Variants in CATSPERE observed in about 807,000 individuals in gnomAD.
CATSPERE encodes the protein catsper channel auxiliary subunit epsilon.
In CATSPERE, 93 loss-of-function variants were observed where a neutral mutation model predicts 114.1. The ratio of observed to expected loss-of-function variants is 0.81; its 90% CI spans 0.69 to 0.97. The LOEUF is 0.97. CATSPERE is among the 50% of genes least tolerant of loss of function. The pLI is 0.00. For missense variants in CATSPERE, 1,058 were observed against 1,131.6 expected (o/e 0.93, Z 0.93); for synonymous variants, 341 against 384.1 (o/e 0.89, Z 1.31).
At position 244,503,891 on chromosome 1, in the gene CATSPERE, T is replaced by TA. The variant is rs572166459; in HGVS notation, c.429+4815dup. ...TAGAAAATTATTTCTAATATGCTATTAAACCCACTCACTGAGTTACTCATA... is the reference window on the plus strand; with the variant it reads ...TAGAAAATTATTTCTAATATGCTATTAAAACCCACTCACTGAGTTACTCATA... On this transcript the variant is annotated intron_variant, in intron 7 of 21. Transcript: ENST00000366534. 4.6e-5 allele frequency among the ~76,000 whole-genome samples: 7 copies of TA among 152,362 alleles called. No homozygotes were observed. In the South Asian group the frequency reaches 1.4e-3, roughly 32 times the overall value.
At chr1:244,577,294 T>C (rs930112676) in intron 11 of CATSPERE, among the ~76,000 whole-genome samples, 3 of 151,424 alleles carry the variant, frequency 2.0e-5, no homozygotes, top group Non-Finnish European at 4.4e-5. Flanking sequence ...TTATATATAA[T>C]TACTTATTTT....
upstream of CATSPERE, among the ~76,000 whole-genome samples, chr1:244,453,411 A>C (rs374063003): frequency 2.6e-5 from 4 of 152,216 alleles, no homozygotes; most frequent in East Asian, 1.9e-4. Flanking sequence ...CCAGCTCTAC[A>C]TGAATTACTC....
In CATSPERE at chr1:244,518,673, T is replaced by A; in HGVS notation, c.511T>A (p.Ser171Thr). 1 of 1,561,024 alleles carries A rather than the reference T, an allele frequency of 6.4e-7. No homozygotes were observed. The highest frequency in any genetic ancestry group is 8.7e-7 in the Non-Finnish European group (1 of 1,150,922). Residue 171 changes from serine (S) to threonine (T), a missense_variant, in exon 8 of 22, where the codon TCT (serine) becomes ACT (threonine). Coordinates refer to ENST00000366534, the MANE Select transcript of CATSPERE (RefSeq NM_001130957.2). Reference protein sequence around the residue: ...IHTVLKRKVYSSNEKMRRGTW... With the variant: ...IHTVLKRKVYTSNEKMRRGTW... ...TACAGTTCTGAAGAGAAAAGTTTAT[T>A]CTTCAAATGAGAAAATGAGAAGGGG...
intron 10 of CATSPERE, among the ~76,000 whole-genome samples, chr1:244,571,784 G>A (rs192679534): frequency 2.7e-4 from 41 of 152,180 alleles, no homozygotes; most frequent in Middle Eastern, 3.4e-3. Context: ...GTAGACAGTC[G>A]CCGTCTTGCT....
rs1245222101 is a variant in CATSPERE at position 244,553,302 on chromosome 1, C to G, written c.1029+488C>G. Among the ~76,000 whole-genome samples, 3 of 151,998 alleles carry G rather than the reference C, an allele frequency of 2.0e-5. No individual in the cohort carries two copies. In the South Asian group the frequency reaches 6.2e-4, roughly 31 times the overall value. ...GCTGGCCGGGCGCGGTGGCTCACAC[C>G]TGTAATCACAGCACTTTGGGAGGCC... On this transcript the variant is annotated intron_variant, in intron 9 of 21. Coordinates refer to ENST00000366534, the MANE Select transcript of CATSPERE (RefSeq NM_001130957.2).
intron 8 of CATSPERE, among the ~76,000 whole-genome samples, chr1:244,531,928 G>A (rs922915947): frequency 1.3e-5 from 2 of 152,166 alleles, no homozygotes; most frequent in South Asian, 2.1e-4. Flanking sequence ...AATGTTTGCT[G>A]AAATTCAGCA....
chr1:244,461,559 G>A (rs1558298718), intron 1 of CATSPERE, 65 bp downstream of exon 1: 4 of 1,230,040 alleles, frequency 3.3e-6, no homozygotes, highest in South Asian at 3.3e-5. Flanking sequence ...GCAGGCGGGA[G>A]GGTCCTGCTC....
At chr1:244,605,497 C>G (rs1026825967) in intron 17 of CATSPERE, among the ~76,000 whole-genome samples, 198 bp from the exon 18 acceptor site, 1 of 152,008 alleles carries the variant, frequency 6.6e-6, no homozygotes, top group Non-Finnish European at 1.5e-5. Flanking sequence ...GACACCTAAA[C>G]AATAGGTACT....
intron 20 of CATSPERE, among the ~76,000 whole-genome samples, chr1:244,617,908 G>A (rs1034585635): frequency 1.3e-5 from 2 of 152,068 alleles, no homozygotes; most frequent in East Asian, 1.9e-4. Flanking sequence ...GGACTTTCCT[G>A]GGTTCAGTTG....
intron 8 of CATSPERE, 51 bp downstream of exon 8, chr1:244,518,749 G>C (rs761128393): frequency 3.1e-6 from 3 of 981,584 alleles, no homozygotes; most frequent in South Asian, 3.3e-5. Context: ...ACTTAAACTA[G>C]ATTTTAAAAT....
At chr1:244,488,273 C>G (rs1318039120) in intron 5 of CATSPERE, among the ~76,000 whole-genome samples, 1 of 152,240 alleles carries the variant, frequency 6.6e-6, no homozygotes, top group Non-Finnish European at 1.5e-5. Flanking sequence ...TACTTAATTT[C>G]TATACCACAT....
At chr1:244,638,361 C>CA (rs1674903444) in intron 21 of CATSPERE, among the ~76,000 whole-genome samples, 1 of 152,190 alleles carries the variant, frequency 6.6e-6, no homozygotes, top group African/African-American at 2.4e-5. Flanking sequence ...TGTTGTATCA[C>CA]ACTGTGGGTT....
At chr1:244,455,577 A>G (rs1666073992) in intron 1 of CATSPERE, among the ~76,000 whole-genome samples, 2 of 148,124 alleles carry the variant, frequency 1.4e-5, no homozygotes, top group Admixed American at 6.7e-5. Context: ...AGCTGTAGGT[A>G]TATTTAAAAG....
chr1:244,509,853 T>C (rs767883935), intron 7 of CATSPERE, among the ~76,000 whole-genome samples: 7 of 152,198 alleles, frequency 4.6e-5, no homozygotes, highest in Non-Finnish European at 8.8e-5. Context: ...GGTTTCACAA[T>C]TTGTTAGCAT....
At chr1:244,618,807 T>G (rs1360914929) in intron 20 of CATSPERE, among the ~76,000 whole-genome samples, 1 of 151,502 alleles carries the variant, frequency 6.6e-6, no homozygotes, top group East Asian at 1.9e-4. Context: ...AAAGTAAAAA[T>G]AAGCTCTACA....
intron 8 of CATSPERE, among the ~76,000 whole-genome samples, chr1:244,526,630 T>C (rs1678651117): frequency 6.7e-6 from 1 of 149,922 alleles, no homozygotes; most frequent in African/African-American, 2.5e-5. Context: ...ATTCAACCAA[T>C]AGATTGGCTT....
chr1:244,587,965 C>T (rs2148632765), intron 13 of CATSPERE, among the ~76,000 whole-genome samples: 1 of 152,206 alleles, frequency 6.6e-6, no homozygotes, highest in Non-Finnish European at 1.5e-5. Context: ...GAGGCAGAGG[C>T]AGGTGGATCA....
At chr1:244,539,593 C>G (rs1658260689) in intron 8 of CATSPERE, among the ~76,000 whole-genome samples, 1 of 146,142 alleles carries the variant, frequency 6.8e-6, no homozygotes, top group Non-Finnish European at 1.5e-5. Flanking sequence ...GCTGTGAATC[C>G]ATCTGGTCCT....
At chr1:244,514,771 G>A (rs1216146599) in intron 7 of CATSPERE, among the ~76,000 whole-genome samples, 1 of 148,712 alleles carries the variant, frequency 6.7e-6, no homozygotes, top group Non-Finnish European at 1.5e-5. Context: ...GGAGCTTGCA[G>A]TGAGCCGAGA....
Sources: allele counts gnomAD v4.1 joint callset (sites outside exome capture counted in the v4.1 genomes callset), GRCh38; gene constraint gnomAD v4.1.1; transcripts MANE v1.5; gene names NCBI Gene and HGNC (gene_info 2026-07-23, HGNC 2026-07-21).